RASGRF1: variants seen among roughly 807,000 people sequenced by gnomAD.
RASGRF1 encodes the protein Ras protein specific guanine nucleotide releasing factor 1.
In RASGRF1, 40 loss-of-function variants were observed where a neutral mutation model predicts 138.7. The ratio of observed to expected loss-of-function variants is 0.29; its 90% CI spans 0.22 to 0.38. RASGRF1 has a LOEUF of 0.38. RASGRF1 is among the 10% of genes least tolerant of loss of function. RASGRF1 has a pLI of 1.00. For synonymous variants in RASGRF1, 614 were observed against 663.2 expected, an observed-to-expected ratio of 0.93 and a Z score of 1.14; for missense variants, 1,108 against 1,650.4, an observed-to-expected ratio of 0.67 and a Z score of 5.69.
intron 20 of RASGRF1, among the ~76,000 whole-genome samples, chr15:78,994,673 C>G (rs1336362287): frequency 6.6e-6 from 1 of 152,194 alleles, no homozygotes; most frequent in African/African-American, 2.4e-5. Context: ...GACCATCATT[C>G]CCTTATTCCG....
At position 79,006,070 on chromosome 15, in the gene RASGRF1, G is replaced by A. The variant is rs1595894185; in HGVS notation, c.2075+116C>T. ...TGTGTGTCCCGCAGCACCCCAACACGTTACTGCTGCTCCTCCAGGGACCTT... is the reference window on the plus strand; with the variant it reads ...TGTGTGTCCCGCAGCACCCCAACACATTACTGCTGCTCCTCCAGGGACCTT... On this transcript the variant is annotated intron_variant, in intron 14 of 26. Coordinates refer to ENST00000558480, the MANE Select transcript of RASGRF1 (RefSeq NM_001145648.3). This position sits in a 1 kb window ranked among gnomAD's most constrained non-coding sequence, Gnocchi z 4.0. 2.4e-5 allele frequency: 35 copies of A among 1,440,498 alleles called. No homozygotes were observed. Among genetic ancestry groups the A allele is most frequent in the African/African-American group, 5.6e-5 (4 of 71,478 alleles). The allele number at this position is 1,440,498 out of a possible 1,614,324, so 89.2% of individuals were successfully genotyped here.
At chr15:78,975,416 A>G (rs2055851344) in intron 24 of RASGRF1, among the ~76,000 whole-genome samples, 1 of 150,258 alleles carries the variant, frequency 6.7e-6, no homozygotes, top group African/African-American at 2.4e-5. Flanking sequence ...GAAAAGAGTA[A>G]GGAGCATCCA....
At chr15:79,013,003 C>G (rs1237447882) in intron 13 of RASGRF1, among the ~76,000 whole-genome samples, 3 of 152,196 alleles carry the variant, frequency 2.0e-5, no homozygotes, top group Non-Finnish European at 4.4e-5. Flanking sequence ...TGAGTGGGTA[C>G]TCACTAAACA....
At chr15:79,056,672 G>A (rs536253504) in intron 3 of RASGRF1, among the ~76,000 whole-genome samples, 1 of 152,302 alleles carries the variant, frequency 6.6e-6, no homozygotes, top group East Asian at 1.9e-4. Flanking sequence ...CCTGTTATCA[G>A]GCTAGCAGAG....
At position 79,073,770 on chromosome 15, in the gene RASGRF1, C is replaced by A. The variant is rs1219829221; in HGVS notation, c.277-9244G>T. Among the ~76,000 whole-genome samples, 1 of 152,190 alleles carries A rather than the reference C, an allele frequency of 6.6e-6. No individual in the cohort carries two copies. The highest frequency in any genetic ancestry group is 1.9e-4 in the East Asian group (1 of 5,202). On this transcript the variant is annotated intron_variant, in intron 1 of 26. Coordinates refer to ENST00000558480, the MANE Select transcript of RASGRF1 (RefSeq NM_001145648.3). This position sits in a 1 kb window ranked among gnomAD's most constrained non-coding sequence, Gnocchi z 4.2. ...TTCTTGTTCTTCCAAGAATGTCCCACCACCCTTACTGCCATGAGAGTCCTT... is the reference window on the plus strand; with the variant it reads ...TTCTTGTTCTTCCAAGAATGTCCCAACACCCTTACTGCCATGAGAGTCCTT...
At chr15:79,069,291 A>G (rs1206528742) in intron 1 of RASGRF1, among the ~76,000 whole-genome samples, 1 of 152,106 alleles carries the variant, frequency 6.6e-6, no homozygotes, top group East Asian at 1.9e-4. Flanking sequence ...GATGGTCCTC[A>G]CTCCTCTTGC....
chr15:78,967,357 A>C (rs2141589059), intron 26 of RASGRF1, among the ~76,000 whole-genome samples: 1 of 152,264 alleles, frequency 6.6e-6, no homozygotes, highest in South Asian at 2.1e-4. Context: ...ACCAGGCTGG[A>C]CAACATGGCA....
In RASGRF1 at chr15:79,026,134, C is replaced by A. The variant is rs151157975; in HGVS notation, c.1382-660G>T. Among the ~76,000 whole-genome samples, 824 of 152,216 alleles carry A rather than the reference C, an allele frequency of 5.4e-3. 5 individuals are homozygous for A. Among genetic ancestry groups the A allele is most frequent in the African/African-American group, 0.018 (736 of 41,518 alleles). ...TCTGGTGTACCCACCCTAATACATACCCTTCAGGCCCCCTCCCCACTGAGG... is the reference window on the plus strand; with the variant it reads ...TCTGGTGTACCCACCCTAATACATAACCTTCAGGCCCCCTCCCCACTGAGG... On this transcript the variant is annotated intron_variant, in intron 9 of 26. Transcript: ENST00000558480.
intron 1 of RASGRF1, among the ~76,000 whole-genome samples, chr15:79,089,463 C>A (rs903647730): frequency 2.6e-5 from 4 of 152,254 alleles, no homozygotes. Flanking sequence ...GAAACCAGAG[C>A]GCAGCGCTAT....
intron 6 of RASGRF1, among the ~76,000 whole-genome samples, chr15:79,034,805 T>C (rs1364093078): frequency 6.6e-6 from 1 of 152,262 alleles, no homozygotes; most frequent in Non-Finnish European, 1.5e-5. Flanking sequence ...CCAAAGTGTT[T>C]GTAGTGGTTA....
At position 79,006,317 on chromosome 15, in the gene RASGRF1, C is replaced by T. The variant is rs761805791; in HGVS notation, c.1944G>A (p.Thr648=). ...AGTCGATGCTCAGGAAGCGCAGGTC[C>T]GTCAGCCTCTCCAGCAGCCGCTCCA... ...ASVERLLERL[T]DLRFLSIDFL... Residue 648 remains threonine, a synonymous_variant, in exon 14 of 27, where the codon ACG becomes ACA. Transcript: ENST00000558480. This position sits in a 1 kb window ranked among gnomAD's most constrained non-coding sequence, Gnocchi z 4.0. 1.9e-5 allele frequency: 30 copies of T among 1,614,086 alleles called. No individual in the cohort carries two copies. The highest frequency in any genetic ancestry group is 8.3e-5 in the Admixed American group (5 of 60,000).
chr15:79,078,764 A>G (rs994346330), intron 1 of RASGRF1, among the ~76,000 whole-genome samples: 5 of 152,342 alleles, frequency 3.3e-5, no homozygotes, highest in Admixed American at 1.3e-4. Flanking sequence ...TGGCCGCACC[A>G]GAACCTCTGC....
Position 78,991,909 on chromosome 15 carries a change from G to A in RASGRF1, c.3028-115C>T, listed in dbSNP as rs566978949. 9.6e-6 allele frequency: 7 copies of A among 725,560 alleles called. No individual in the cohort carries two copies. In the East Asian group the frequency reaches 1.3e-4, roughly 13 times the overall value. The allele number at this position is 725,560 out of a possible 1,614,324, so 44.9% of individuals were successfully genotyped here. ...CCTCGAATTGGGTGGGCGGGTGGAC[G>A]GGGTATGACGCTGCCTCGAATCTGA... On this transcript the variant is annotated intron_variant, in intron 20 of 26. Transcript: ENST00000558480.
In RASGRF1 at chr15:78,995,764, G is replaced by C. The variant is rs1056408689; in HGVS notation, c.3003C>G (p.Ile1001Met). ...LTQEDPGDNQ[I>M]TLEEITQMAE... ...CCATCTGCGTGATCTCCTCCAGCGT[G>C]ATCTGGTTGTCACCTGGGTCCTCCT... Residue 1001 changes from isoleucine to methionine, a missense_variant, in exon 20 of 27, where the codon ATC (isoleucine) becomes ATG (methionine). Physicochemically the swap from Ile to Met is conservative, Grantham distance 10. Around this residue, in one of 3 missense-constraint regions of RASGRF1, gnomAD observed 686 missense variants for 976.7 expected, o/e 0.70. Coordinates refer to ENST00000558480, the MANE Select transcript of RASGRF1 (RefSeq NM_001145648.3). 2 of 1,614,060 alleles carry C rather than the reference G, an allele frequency of 1.2e-6. No individual in the cohort carries two copies. The highest frequency in any genetic ancestry group is 2.7e-5 in the African/African-American group (2 of 74,922).
intron 8 of RASGRF1, among the ~76,000 whole-genome samples, chr15:79,029,998 C>A (rs145811716): frequency 3.8e-4 from 58 of 152,186 alleles, no homozygotes; most frequent in African/African-American, 1.4e-3. Context: ...GAAGAGTGTG[C>A]GGGATTTGGA....
At chr15:78,995,898 T>C (rs2056382276) in intron 19 of RASGRF1, 98 bp from the exon 20 acceptor site, 1 of 1,130,294 alleles carries the variant, frequency 8.8e-7, no homozygotes. Context: ...CTTACGCCCC[T>C]CTGTCCTCGT....
chr15:79,061,996 G>C (rs2057613566), intron 2 of RASGRF1, among the ~76,000 whole-genome samples: 1 of 152,148 alleles, frequency 6.6e-6, no homozygotes, highest in Non-Finnish European at 1.5e-5. Context: ...TTTCCAAAGT[G>C]GTTGTGCCAT....
intron 3 of RASGRF1, among the ~76,000 whole-genome samples, chr15:79,051,367 C>A (rs898685712): frequency 6.6e-6 from 1 of 151,400 alleles, no homozygotes; most frequent in Non-Finnish European, 1.5e-5. Context: ...TTTCTCCCCA[C>A]CCCCTCCCCC....
chr15:78,974,229 G>A (rs1041925686), intron 24 of RASGRF1, among the ~76,000 whole-genome samples: 12 of 152,164 alleles, frequency 7.9e-5, no homozygotes, highest in Admixed American at 5.9e-4. Context: ...GTTATGTGCC[G>A]GCAGGGCTCC....
Sources: allele counts gnomAD v4.1 joint callset (sites outside exome capture counted in the v4.1 genomes callset), GRCh38; gene constraint gnomAD v4.1.1; regional missense constraint gnomAD v4.1.1; non-coding constraint Gnocchi (gnomAD v3.1); transcripts MANE v1.5; gene names NCBI Gene and HGNC (gene_info 2026-07-23, HGNC 2026-07-21).